DEUP1: variants seen among roughly 807,000 people sequenced by gnomAD.
The protein encoded by DEUP1 is deuterosome assembly protein 1, also known as coiled-coil domain containing 67.
A neutral mutation model predicts 87.4 loss-of-function variants in DEUP1; 82 were observed. The observed-to-expected ratio is 0.94, with a 90% CI of 0.78 to 1.13. The LOEUF (loss-of-function observed/expected upper bound fraction) is 1.13. Ranked by LOEUF, DEUP1 falls within the 50% of genes most tolerant of loss-of-function variation. The pLI, the probability that DEUP1 is intolerant of heterozygous loss-of-function variation, is 0.00. For synonymous variants in DEUP1, 214 were observed against 222.7 expected (o/e 0.96, Z 0.35); for missense variants, 663 against 681.5 (o/e 0.97, Z 0.30).
At chr11:93,393,227 CTG>C (rs1292678513) in intron 9 of DEUP1, among the ~76,000 whole-genome samples, 2 of 151,778 alleles carry the variant, frequency 1.3e-5, no homozygotes. Flanking sequence ...ACCCGACTAA[CTG>C]AGACTGAATG....
chr11:93,394,400 T>G (rs966735281), intron 9 of DEUP1, 59 bp from the exon 10 acceptor site: 75 of 1,333,282 alleles, frequency 5.6e-5, no homozygotes, highest in Non-Finnish European at 7.2e-5. Context: ...CCAGTAAAAT[T>G]TTAAGCTACT....
chr11:93,363,456 A>G (rs1255709693), intron 4 of DEUP1, among the ~76,000 whole-genome samples: 1 of 151,866 alleles, frequency 6.6e-6, no homozygotes, highest in African/African-American at 2.4e-5. Flanking sequence ...GACCTCAGTA[A>G]TAACTTTGGA....
At chr11:93,428,009 C>T (rs1947981278) in intron 13 of DEUP1, among the ~76,000 whole-genome samples, 1 of 151,676 alleles carries the variant, frequency 6.6e-6, no homozygotes. Context: ...AATAGGAACA[C>T]TTTTACACTG....
intron 7 of DEUP1, among the ~76,000 whole-genome samples, chr11:93,378,369 C>G (rs1314136093): frequency 1.3e-5 from 2 of 151,904 alleles, no homozygotes; most frequent in East Asian, 3.9e-4. Context: ...CTCTGAAGTT[C>G]TTTCTTCTGC....
At chr11:93,338,957 G>GT (rs1384421572) in intron 2 of DEUP1, among the ~76,000 whole-genome samples, 1 of 152,134 alleles carries the variant, frequency 6.6e-6, no homozygotes, top group Non-Finnish European at 1.5e-5. Context: ...ATTGGAGAAT[G>GT]TATGGGGAAT....
intron 13 of DEUP1, among the ~76,000 whole-genome samples, chr11:93,436,251 G>A (rs901921520): frequency 3.3e-5 from 5 of 152,084 alleles, no homozygotes; most frequent in African/African-American, 1.2e-4. Context: ...TGCTCATCAA[G>A]TCTCATTAAC....
At chr11:93,397,207 A>T (rs929954795) in intron 11 of DEUP1, among the ~76,000 whole-genome samples, 1 of 152,178 alleles carries the variant, frequency 6.6e-6, no homozygotes, top group Non-Finnish European at 1.5e-5. Flanking sequence ...AAGCTATGAT[A>T]CTATATTTCT....
chr11:93,349,146 C>G (rs1255284648), intron 2 of DEUP1, among the ~76,000 whole-genome samples: 2 of 152,116 alleles, frequency 1.3e-5, no homozygotes, highest in Non-Finnish European at 2.9e-5. Context: ...TATTCACAGG[C>G]AATTGCTCTT....
chr11:93,335,228 C>T (rs1364686302), intron 2 of DEUP1, among the ~76,000 whole-genome samples: 1 of 144,446 alleles, frequency 6.9e-6, no homozygotes, highest in African/African-American at 2.4e-5. Context: ...ACTTTTTAAT[C>T]TTTCTACTGT....
chr11:93,339,360 C>A (rs189999146), intron 2 of DEUP1, among the ~76,000 whole-genome samples: 2 of 152,204 alleles, frequency 1.3e-5, no homozygotes, highest in African/African-American at 4.8e-5. Context: ...ACTATACAAT[C>A]CATGCAATGA....
chr11:93,409,236 A>C (rs1369540348), intron 12 of DEUP1, among the ~76,000 whole-genome samples: 2 of 152,208 alleles, frequency 1.3e-5, no homozygotes. Context: ...CTATGGATGT[A>C]TAAGAGGTTT....
intron 11 of DEUP1, among the ~76,000 whole-genome samples, chr11:93,398,088 C>T (rs921841602): frequency 6.6e-6 from 1 of 151,932 alleles, no homozygotes; most frequent in African/African-American, 2.4e-5. Context: ...TTATTTTAAA[C>T]TTTTTCAGAT....
At chr11:93,415,498 C>T (rs1387860864) in intron 13 of DEUP1, among the ~76,000 whole-genome samples, 2 of 151,848 alleles carry the variant, frequency 1.3e-5, no homozygotes, top group Non-Finnish European at 2.9e-5. Context: ...TTGACTCTGC[C>T]GTAAGTGTAG....
intron 13 of DEUP1, among the ~76,000 whole-genome samples, chr11:93,421,631 G>C (rs1300422131): frequency 8.7e-5 from 3 of 34,330 alleles, no homozygotes; most frequent in Non-Finnish European, 1.2e-4. Context: ...CACGCAGCTG[G>C]AGATCTGAGA....
intron 5 of DEUP1, among the ~76,000 whole-genome samples, chr11:93,365,266 T>C (rs1945357320): frequency 6.6e-6 from 1 of 152,122 alleles, no homozygotes; most frequent in South Asian, 2.1e-4. Flanking sequence ...TTGTAGGAAG[T>C]CCTAGATTTT....
At chr11:93,387,610 G>A (rs1399302563) in intron 8 of DEUP1, among the ~76,000 whole-genome samples, 2 of 151,854 alleles carry the variant, frequency 1.3e-5, no homozygotes, top group Non-Finnish European at 2.9e-5. Context: ...TGTCCACATT[G>A]GAGTTTGACA....
chr11:93,334,711 C>T (rs1200893687), intron 2 of DEUP1, among the ~76,000 whole-genome samples: 4 of 152,222 alleles, frequency 2.6e-5, no homozygotes, highest in East Asian at 3.9e-4. Flanking sequence ...TGGTTATAAC[C>T]GGGTTTGATG....
chr11:93,338,769 T>C (rs1943907957), intron 2 of DEUP1, among the ~76,000 whole-genome samples: 1 of 152,056 alleles, frequency 6.6e-6, no homozygotes, highest in African/African-American at 2.4e-5. Context: ...GGCAATAAAC[T>C]GTCAAACAAC....
chr11:93,379,402 G>GA (rs1405090824), intron 7 of DEUP1, among the ~76,000 whole-genome samples: 1 of 152,050 alleles, frequency 6.6e-6, no homozygotes, highest in African/African-American at 2.4e-5. Context: ...CTTGTTAAAA[G>GA]AAAAAATGCT....
Sources: gnomAD v4.1 joint callset for allele counts (sites outside exome capture counted in the v4.1 genomes callset) on GRCh38, gnomAD v4.1.1 for gene constraint, MANE v1.5 for transcripts, NCBI Gene and HGNC (gene_info 2026-07-23, HGNC 2026-07-21) for gene names.